Variants in TRPC4 observed in about 807,000 individuals in gnomAD.
TRPC4 encodes the protein short transient receptor potential channel 4.
A neutral mutation model predicts 99.4 loss-of-function variants in TRPC4; 49 were observed. That is an observed-to-expected ratio of 0.49 (90% confidence interval 0.39 to 0.63). The LOEUF is 0.63. TRPC4 is among the 20% of genes least tolerant of loss of function. TRPC4 has a pLI of 0.00. For synonymous variants in TRPC4, 454 were observed against 425.9 expected (o/e 1.07, Z -0.81); for missense variants, 898 against 1,152.9 (o/e 0.78, Z 3.20).
At chr13:37,786,005 G>T (rs1398523257) in intron 1 of TRPC4, among the ~76,000 whole-genome samples, 1 of 151,970 alleles carries the variant, frequency 6.6e-6, no homozygotes, top group Non-Finnish European at 1.5e-5. Flanking sequence ...AGATGGAGGA[G>T]GTAAGGGATA....
intron 3 of TRPC4, among the ~76,000 whole-genome samples, chr13:37,708,244 A>C (rs1954359426): frequency 6.6e-6 from 1 of 152,130 alleles, no homozygotes; most frequent in African/African-American, 2.4e-5. Flanking sequence ...AATGCTCAAG[A>C]ATTTCTTGCT....
chr13:37,675,279 C>T (rs1370471741), intron 4 of TRPC4, among the ~76,000 whole-genome samples: 1 of 152,140 alleles, frequency 6.6e-6, no homozygotes, highest in Non-Finnish European at 1.5e-5. Context: ...AAGCATGCAT[C>T]AGAGAGACGA....
chr13:37,746,285 G>C lies in TRPC4; in HGVS notation c.549C>G (p.Ser183=). The change falls in exon 3 of 11, where the codon TCC becomes TCG. Residue 183 remains serine, a synonymous_variant. Transcript: ENST00000379705. ...GACGGAGGCTGTCCACATCTGAACT[G>C]GACACGCATTCCACACAGTTACAGC... The part of the protein sequence containing the change: ...EVRCNCVECV[S]SSDVDSLRHS... 2 of 1,613,774 alleles carry C rather than the reference G, an allele frequency of 1.2e-6. No individual in the cohort carries two copies. Among genetic ancestry groups the C allele is most frequent in the Non-Finnish European group, 8.5e-7 (1 of 1,179,866 alleles).
chr13:37,845,544 A>C (rs1043344250), intron 1 of TRPC4, among the ~76,000 whole-genome samples: 1 of 152,076 alleles, frequency 6.6e-6, no homozygotes, highest in Non-Finnish European at 1.5e-5. Flanking sequence ...TTTCAATAGC[A>C]GACTTGATCA....
At chr13:37,824,641 T>C (rs1289811214) in intron 1 of TRPC4, among the ~76,000 whole-genome samples, 1 of 152,116 alleles carries the variant, frequency 6.6e-6, no homozygotes, top group Non-Finnish European at 1.5e-5. Context: ...CCATGGTGGA[T>C]AAGCTTTTTG....
chr13:37,809,308 AAACTTTCTT>A (rs1214361614), intron 1 of TRPC4, among the ~76,000 whole-genome samples: 2 of 151,962 alleles, frequency 1.3e-5, no homozygotes, highest in African/African-American at 4.8e-5. Flanking sequence ...TAGAAATAGA[AAACTTTCTT>A]TCCCTAAGTT....
intron 4 of TRPC4, among the ~76,000 whole-genome samples, chr13:37,675,230 A>C (rs966827506): frequency 2.0e-5 from 3 of 152,210 alleles, no homozygotes; most frequent in Non-Finnish European, 4.4e-5. Flanking sequence ...ACACTGACTC[A>C]AGAAAAAGTG....
chr13:37,707,961 C>T (rs1418000672), intron 3 of TRPC4, among the ~76,000 whole-genome samples: 1 of 152,006 alleles, frequency 6.6e-6, no homozygotes, highest in East Asian at 1.9e-4. Context: ...CTTCTTGGAC[C>T]TCTTTGATCT....
At chr13:37,773,427 A>G (rs927365023) in intron 2 of TRPC4, among the ~76,000 whole-genome samples, 5 of 151,824 alleles carry the variant, frequency 3.3e-5, no homozygotes, top group Admixed American at 1.3e-4. Flanking sequence ...TGTATTCCCC[A>G]CTCATGCACA....
At chr13:37,674,189 C>T (rs1412772077) in intron 5 of TRPC4, 39 bp downstream of exon 5, 1 of 1,498,682 alleles carries the variant, frequency 6.7e-7, no homozygotes, top group Admixed American at 2.4e-5. Flanking sequence ...CATTAATAAT[C>T]AGAACATATG....
chr13:37,655,388 T>A, intron 6 of TRPC4, 105 bp from the exon 7 acceptor site: 1 of 367,562 alleles, frequency 2.7e-6, no homozygotes, highest in South Asian at 1.4e-4. Flanking sequence ...TATATATAAT[T>A]AACTTAAACA....
At chr13:37,652,167 A>G (rs529584133) in intron 7 of TRPC4, among the ~76,000 whole-genome samples, 2 of 152,332 alleles carry the variant, frequency 1.3e-5, no homozygotes, top group East Asian at 1.9e-4. Context: ...ATTTGTGGCA[A>G]TTAGATTTGG....
intron 5 of TRPC4, among the ~76,000 whole-genome samples, chr13:37,666,861 A>G (rs1371861739): frequency 6.6e-6 from 1 of 151,900 alleles, no homozygotes; most frequent in Admixed American, 6.6e-5. Flanking sequence ...CATTCTACCA[A>G]TTCTCCCTGG....
intron 2 of TRPC4, among the ~76,000 whole-genome samples, chr13:37,779,657 T>C (rs907838335): frequency 6.6e-6 from 1 of 152,070 alleles, no homozygotes; most frequent in Admixed American, 6.6e-5. Flanking sequence ...GGTGATTTTA[T>C]TTGCTTCAAT....
intron 6 of TRPC4, 82 bp from the exon 7 acceptor site, chr13:37,655,365 TTA>T (rs61181512): frequency 0.013 from 4,552 of 361,878 alleles, 1 homozygote; most frequent in Middle Eastern, 0.023. Context: ...CTTGGCATGA[TTA>T]TATATATATA....
At chr13:37,704,819 A>G (rs1954213870) in intron 3 of TRPC4, among the ~76,000 whole-genome samples, 2 of 152,096 alleles carry the variant, frequency 1.3e-5, no homozygotes, top group South Asian at 4.1e-4. Flanking sequence ...TTATCATGGC[A>G]TATCATCATA....
At chr13:37,806,352 T>C (rs1957530032) in intron 1 of TRPC4, among the ~76,000 whole-genome samples, 1 of 152,088 alleles carries the variant, frequency 6.6e-6, no homozygotes, top group Non-Finnish European at 1.5e-5. Flanking sequence ...CATCTGTTAA[T>C]ATCTATTTTG....
intron 2 of TRPC4, among the ~76,000 whole-genome samples, chr13:37,776,119 C>T (rs897131688): frequency 6.6e-6 from 1 of 151,738 alleles, no homozygotes; most frequent in Non-Finnish European, 1.5e-5. Context: ...CTTATGACTG[C>T]CATTTGCCAG....
chr13:37,783,415 T>C (rs2139351792), intron 1 of TRPC4, 55 bp from the exon 2 acceptor site: 1 of 1,372,306 alleles, frequency 7.3e-7, no homozygotes, highest in East Asian at 2.3e-5. Flanking sequence ...TTTAAAATTG[T>C]TAAGCATCAT....
Sources: allele counts gnomAD v4.1 joint callset (sites outside exome capture counted in the v4.1 genomes callset), GRCh38; gene constraint gnomAD v4.1.1; transcripts MANE v1.5; gene names NCBI Gene and HGNC (gene_info 2026-07-23, HGNC 2026-07-21).